The following PDHX variants were observed in gnomAD, a reference collection of about 807,000 sequenced individuals.
The protein encoded by PDHX is pyruvate dehydrogenase complex component X, also known as pyruvate dehydrogenase protein X component, mitochondrial.
A neutral mutation model predicts 55.3 loss-of-function variants in PDHX; 33 were observed. The ratio of observed to expected loss-of-function variants is 0.60; its 90% confidence interval spans 0.45 to 0.80. PDHX has a LOEUF of 0.80. Ranked by LOEUF, PDHX falls within the 30% of genes least tolerant of loss-of-function variation. The probability of loss-of-function intolerance (pLI) is 0.00; values close to 1 mark genes in which losing one functional copy is unlikely to be tolerated. For synonymous variants in PDHX, 226 were observed against 219.4 expected (o/e 1.03, Z -0.27); for missense variants, 622 against 619.9 (o/e 1.00, Z -0.04).
intron 1 of PDHX, among the ~76,000 whole-genome samples, chr11:34,917,745 G>A (rs3763926): frequency 0.19 from 28,795 of 152,018 alleles, 3,900 homozygotes; most frequent in African/African-American, 0.39. Context: ...GTTCCTAAAG[G>A]TTCCTTAATG....
chr11:34,916,748 G>T lies in PDHX; in HGVS notation c.93G>T (p.Gly31=), dbSNP rs377527030. ...GCCGAAGCGTAGGGCTGGTGAAGGG[G>T]GCTCTTGGGTGGTCTGTAAGCCGCG... ...PGRRSVGLVK[G]ALGWSVSRGA... is the part of the protein sequence containing the mutation. The change falls in exon 1 of 11, where the codon GGG becomes GGT. Residue 31 remains glycine, a synonymous_variant. Coordinates refer to ENST00000227868, the MANE Select transcript of PDHX (RefSeq NM_003477.3). 5.0e-6 allele frequency: 8 copies of T among 1,612,824 alleles called. No homozygotes were observed. Among genetic ancestry groups the T allele is most frequent in the African/African-American group, 4.0e-5 (3 of 74,894 alleles).
intron 3 of PDHX, among the ~76,000 whole-genome samples, chr11:34,951,423 G>A (rs1344268711): frequency 6.6e-6 from 1 of 152,020 alleles, no homozygotes; most frequent in African/African-American, 2.4e-5. Context: ...TTGTGGTTTT[G>A]ATTTGCATTT....
intron 8 of PDHX, among the ~76,000 whole-genome samples, chr11:34,979,528 AG>A (rs1213304558): frequency 2.0e-5 from 3 of 152,188 alleles, no homozygotes; most frequent in Admixed American, 1.3e-4. Flanking sequence ...TACATTAATG[AG>A]GGTTCCATGG....
upstream of PDHX, chr11:34,916,012 C>T (rs1361076580): frequency 1.4e-5 from 9 of 622,560 alleles, no homozygotes; most frequent in Non-Finnish European, 2.4e-5. Flanking sequence ...CTCCCGCCAT[C>T]GGAGCGCCCC....
At chr11:34,958,612 G>A (rs1371397320) in intron 4 of PDHX, among the ~76,000 whole-genome samples, 1 of 137,452 alleles carries the variant, frequency 7.3e-6, no homozygotes, top group African/African-American at 2.8e-5. Context: ...GCTTTTTGAA[G>A]TACTGATTTT....
chr11:34,945,007 T>G (rs1260663307), intron 2 of PDHX, among the ~76,000 whole-genome samples: 1 of 151,910 alleles, frequency 6.6e-6, no homozygotes, highest in African/African-American at 2.4e-5. Flanking sequence ...CAACTTCTTA[T>G]TTTTCCTCTG....
chr11:34,988,259 T>C (rs757500365), intron 9 of PDHX, among the ~76,000 whole-genome samples: 53 of 152,302 alleles, frequency 3.5e-4, no homozygotes, highest in Non-Finnish European at 7.5e-4. Context: ...GGGCATACTT[T>C]GTACCAGTTT....
intron 1 of PDHX, among the ~76,000 whole-genome samples, chr11:34,919,539 T>C (rs949273145): frequency 1.1e-4 from 17 of 152,340 alleles, no homozygotes; most frequent in South Asian, 1.0e-3. Flanking sequence ...TCTCATTCAC[T>C]TCTCACATAA....
In PDHX at chr11:34,920,930, G is replaced by T. The variant is rs990834387; in HGVS notation, c.160+4115G>T. 6.6e-5 allele frequency among the ~76,000 whole-genome samples: 10 copies of T among 152,292 alleles called. No homozygotes were observed. In the South Asian group the frequency reaches 2.1e-3, roughly 32 times the overall value. On this transcript the variant is annotated intron_variant, in intron 1 of 10. Transcript: ENST00000227868. ...GCTAGTCCTCTTCTCTCACCTGCCT[G>T]TTTTTTGTAGGCATCTGAGTTTTTG... is the stretch of plus-strand genomic sequence containing the variant.
intron 7 of PDHX, among the ~76,000 whole-genome samples, chr11:34,971,594 T>G (rs1362475284): frequency 6.6e-6 from 1 of 152,202 alleles, no homozygotes; most frequent in African/African-American, 2.4e-5. Context: ...ATTGGTTGAT[T>G]TTCAAATGTT....
At chr11:34,943,056 G>GTT (rs5791024) in intron 2 of PDHX, among the ~76,000 whole-genome samples, 5 of 151,970 alleles carry the variant, frequency 3.3e-5, no homozygotes, top group African/African-American at 9.7e-5. Context: ...AAGTTATCAT[G>GTT]TTTTTTTCTA....
At chr11:34,981,559 C>G (rs1855514364) in intron 8 of PDHX, among the ~76,000 whole-genome samples, 1 of 152,126 alleles carries the variant, frequency 6.6e-6, no homozygotes, top group Non-Finnish European at 1.5e-5. Context: ...AGTTCTAGAT[C>G]CCTGAGGAAT....
chr11:34,945,289 T>C (rs1339319032), intron 2 of PDHX, among the ~76,000 whole-genome samples: 1 of 152,202 alleles, frequency 6.6e-6, no homozygotes, highest in Admixed American at 6.5e-5. Context: ...CAAACATTAC[T>C]TTAAAAATAC....
chr11:34,945,494 C>T (rs1205334749), intron 2 of PDHX, among the ~76,000 whole-genome samples: 2 of 152,060 alleles, frequency 1.3e-5, no homozygotes, highest in Non-Finnish European at 2.9e-5. Context: ...GATGGTTTGG[C>T]AGCATACAAA....
At chr11:34,949,470 C>G (rs1267557176) in intron 3 of PDHX, among the ~76,000 whole-genome samples, 2 of 149,446 alleles carry the variant, frequency 1.3e-5, no homozygotes, top group Non-Finnish European at 3.0e-5. Context: ...ACTCCTGACT[C>G]AAGTAATCTG....
At chr11:34,985,711 G>A (rs936165850) in intron 9 of PDHX, among the ~76,000 whole-genome samples, 2 of 152,128 alleles carry the variant, frequency 1.3e-5, no homozygotes, top group African/African-American at 4.8e-5. Flanking sequence ...ATTTGCCAAG[G>A]ACCTGTTGTA....
intron 4 of PDHX, among the ~76,000 whole-genome samples, chr11:34,959,015 A>T (rs2732551): frequency 1.4e-4 from 22 of 151,988 alleles, no homozygotes; most frequent in Middle Eastern, 3.4e-3. Context: ...CCTGAAATGC[A>T]GCAAGTTCCA....
chr11:34,974,193 C>A (rs1855317421), intron 7 of PDHX, among the ~76,000 whole-genome samples: 1 of 152,214 alleles, frequency 6.6e-6, no homozygotes, highest in Non-Finnish European at 1.5e-5. Context: ...CCACCCCTGA[C>A]AATCACCATT....
At chr11:34,932,522 A>G (rs1171305082) in intron 2 of PDHX, among the ~76,000 whole-genome samples, 1 of 152,212 alleles carries the variant, frequency 6.6e-6, no homozygotes, top group East Asian at 1.9e-4. Context: ...CAGACACTTT[A>G]CTGAAATGTC....
Sources: allele counts gnomAD v4.1 joint callset (sites outside exome capture counted in the v4.1 genomes callset), GRCh38; gene constraint gnomAD v4.1.1; transcripts MANE v1.5; gene names NCBI Gene and HGNC (gene_info 2026-07-23, HGNC 2026-07-21).